EXOC6B: variants seen among roughly 807,000 people sequenced by gnomAD.
EXOC6B encodes the protein exocyst complex component 6B, also known as SEC15 homolog B.
A neutral mutation model predicts 113.5 loss-of-function variants in EXOC6B; 54 were observed. The ratio of observed to expected loss-of-function variants is 0.48; its 90% CI spans 0.38 to 0.60. The LOEUF is 0.60. Among genes scored for constraint, EXOC6B ranks in the 20% least tolerant of loss-of-function variants. EXOC6B has a pLI of 0.00. For synonymous variants in EXOC6B, 357 were observed against 339.0 expected (o/e 1.05, Z -0.58); for missense variants, 797 against 977.5 (o/e 0.82, Z 2.46).
chr2:72,273,245 C>T (rs1684606424), intron 20 of EXOC6B, among the ~76,000 whole-genome samples: 1 of 152,086 alleles, frequency 6.6e-6, no homozygotes, highest in Non-Finnish European at 1.5e-5. Context: ...GCATCTATCT[C>T]GTTGGAAATT....
chr2:72,480,148 G>T (rs1040254522), intron 17 of EXOC6B, among the ~76,000 whole-genome samples: 1 of 151,724 alleles, frequency 6.6e-6, no homozygotes, highest in Admixed American at 6.6e-5. Context: ...GGGTTGCGGT[G>T]AGCCAAGATT....
At chr2:72,231,408 T>A (rs1232088053) in intron 20 of EXOC6B, among the ~76,000 whole-genome samples, 1 of 152,198 alleles carries the variant, frequency 6.6e-6, no homozygotes, top group Admixed American at 6.5e-5. Flanking sequence ...TTAATCTTAT[T>A]TCTGATTGTG....
At chr2:72,659,147 T>G (rs540386696) in intron 6 of EXOC6B, among the ~76,000 whole-genome samples, 2 of 152,214 alleles carry the variant, frequency 1.3e-5, no homozygotes, top group South Asian at 4.1e-4. Context: ...ATATCCACAA[T>G]ATGAAAACAA....
intron 20 of EXOC6B, among the ~76,000 whole-genome samples, chr2:72,212,019 G>T (rs1298932653): frequency 6.6e-6 from 1 of 151,406 alleles, no homozygotes; most frequent in Non-Finnish European, 1.5e-5. Context: ...TAAGTGTGCC[G>T]AAGTGGAAAA....
At chr2:72,339,134 A>G in intron 19 of EXOC6B, among the ~76,000 whole-genome samples, 1 of 152,102 alleles carries the variant, frequency 6.6e-6, no homozygotes, top group Non-Finnish European at 1.5e-5. Flanking sequence ...AAACTACCAC[A>G]TGAGAGAGGG....
chr2:72,335,645 A>C (rs1218444788), intron 19 of EXOC6B, among the ~76,000 whole-genome samples: 3 of 151,448 alleles, frequency 2.0e-5, no homozygotes, highest in Admixed American at 2.0e-4. Flanking sequence ...CTTTTGAGCA[A>C]AGGAATATTT....
Position 72,530,420 on chromosome 2 carries a change from G to A in EXOC6B, c.916-15294C>T, listed in dbSNP as rs565184061. Among the ~76,000 whole-genome samples, 182 of 152,126 alleles carry A rather than the reference G, an allele frequency of 1.2e-3. 1 individual carries two copies. In the South Asian group the frequency reaches 0.012, roughly 10 times the overall value. On this transcript the variant is annotated intron_variant, in intron 8 of 21. Coordinates refer to ENST00000272427, the MANE Select transcript of EXOC6B (RefSeq NM_015189.3). ...CAGTTTTGGAGATTTTCTTGTTATC[G>A]TTGTGTTACTAATTTCTAGTCTGAT...
chr2:72,403,096 T>A (rs145607450), intron 18 of EXOC6B, among the ~76,000 whole-genome samples: 1 of 152,330 alleles, frequency 6.6e-6, no homozygotes, highest in Non-Finnish European at 1.5e-5. Context: ...GAGATTTACC[T>A]CAGGTGAAAG....
intron 18 of EXOC6B, among the ~76,000 whole-genome samples, chr2:72,388,184 T>G (rs575416470): frequency 6.6e-6 from 1 of 152,254 alleles, no homozygotes; most frequent in South Asian, 2.1e-4. Context: ...ACTACCAAGG[T>G]TAAGAAACTT....
intron 20 of EXOC6B, among the ~76,000 whole-genome samples, chr2:72,228,974 G>A (rs1008730314): frequency 2.6e-5 from 4 of 152,158 alleles, no homozygotes; most frequent in Admixed American, 2.0e-4. Flanking sequence ...GGTGTGAGAT[G>A]GTATCTCATT....
At chr2:72,398,569 C>A (rs1014566241) in intron 18 of EXOC6B, among the ~76,000 whole-genome samples, 2 of 151,874 alleles carry the variant, frequency 1.3e-5, no homozygotes, top group African/African-American at 2.4e-5. Context: ...TGGTGATGTA[C>A]CCCTGTAATC....
intron 6 of EXOC6B, among the ~76,000 whole-genome samples, chr2:72,580,266 C>A (rs1015580556): frequency 6.6e-6 from 1 of 151,352 alleles, no homozygotes; most frequent in Non-Finnish European, 1.5e-5. Flanking sequence ...CTCAGCCTCC[C>A]AAGTAGCTAG....
intron 1 of EXOC6B, among the ~76,000 whole-genome samples, chr2:72,777,039 A>G (rs1683748823): frequency 6.6e-6 from 1 of 151,978 alleles, no homozygotes; most frequent in African/African-American, 2.4e-5. Context: ...TCAGGAGTTC[A>G]AGACCAGCCT....
chr2:72,747,430 A>G (rs1042465244), intron 1 of EXOC6B, among the ~76,000 whole-genome samples: 1 of 152,046 alleles, frequency 6.6e-6, no homozygotes, highest in African/African-American at 2.4e-5. Context: ...ACCATTCTGA[A>G]AAGGAAGAAG....
intron 20 of EXOC6B, among the ~76,000 whole-genome samples, chr2:72,310,758 G>C (rs1489760375): frequency 6.6e-6 from 1 of 151,584 alleles, no homozygotes; most frequent in Non-Finnish European, 1.5e-5. Context: ...CCTAAGATAT[G>C]TCAATGTTGG....
At chr2:72,311,045 A>G (rs1042773843) in intron 20 of EXOC6B, among the ~76,000 whole-genome samples, 1 of 152,216 alleles carries the variant, frequency 6.6e-6, no homozygotes, top group Non-Finnish European at 1.5e-5. Context: ...CCTCTCTTCT[A>G]TACTGCATTC....
intron 7 of EXOC6B, among the ~76,000 whole-genome samples, chr2:72,561,294 T>C (rs186291308): frequency 8.1e-4 from 123 of 152,166 alleles, no homozygotes; most frequent in Non-Finnish European, 1.4e-3. Flanking sequence ...AAACTACACA[T>C]GCATATGAAA....
chr2:72,257,551 T>C (rs1208241871), intron 20 of EXOC6B, among the ~76,000 whole-genome samples: 1 of 152,204 alleles, frequency 6.6e-6, no homozygotes, highest in Non-Finnish European at 1.5e-5. Flanking sequence ...TATTCTAATG[T>C]TTACCGCTAG....
At chr2:72,279,721 C>T (rs1436736594) in intron 20 of EXOC6B, among the ~76,000 whole-genome samples, 1 of 152,142 alleles carries the variant, frequency 6.6e-6, no homozygotes, top group East Asian at 1.9e-4. Context: ...TCAAGCCATG[C>T]TCCCACCTCA....
Sources: gnomAD v4.1 joint callset for allele counts (sites outside exome capture counted in the v4.1 genomes callset) on GRCh38, gnomAD v4.1.1 for gene constraint, MANE v1.5 for transcripts, NCBI Gene and HGNC (gene_info 2026-07-23, HGNC 2026-07-21) for gene names.